Variants in CRIM1 observed in about 807,000 individuals in gnomAD.
CRIM1 encodes the protein cysteine-rich motor neuron 1 protein.
CRIM1 carries 32 observed loss-of-function variants against 116.4 expected under a neutral mutation model. The ratio of observed to expected loss-of-function variants is 0.27; its 90% CI spans 0.21 to 0.37. The LOEUF is 0.37. CRIM1 is among the 10% of genes least tolerant of loss of function. The probability of loss-of-function intolerance (pLI) is 1.00; values close to 1 mark genes in which losing one functional copy is unlikely to be tolerated. For synonymous variants in CRIM1, 590 were observed against 509.2 expected (o/e 1.16, Z -2.13); for missense variants, 1,331 against 1,354.8 (o/e 0.98, Z 0.28).
Position 36,401,301 on chromosome 2 carries a change from G to A in CRIM1, c.505+4514G>A, listed in dbSNP as rs544572233. 2.6e-5 allele frequency among the ~76,000 whole-genome samples: 4 copies of A among 152,280 alleles called. No individual in the cohort carries two copies. In the East Asian group the frequency reaches 7.7e-4, roughly 29 times the overall value. On this transcript the variant is annotated intron_variant, in intron 2 of 16. Coordinates refer to ENST00000280527, the MANE Select transcript of CRIM1 (RefSeq NM_016441.3). ...GTTTGTTAAAAATATAAAGGAAATA[G>A]GATACTGGATAACAGTCAGCCGTGG...
At position 36,356,745 on chromosome 2, in the gene CRIM1, C is replaced by T. The variant is rs1339796134; in HGVS notation, c.331+122C>T. The T allele has an allele frequency of 2.1e-5, 20 of 948,526 alleles. No individual in the cohort carries two copies. Among genetic ancestry groups the T allele is most frequent in the Non-Finnish European group, 2.8e-5 (18 of 652,202 alleles). 58.8% of individuals were successfully genotyped at this position (948,526 alleles called of 1,614,324 possible). A position where few individuals can be genotyped will look rare whatever the true frequency, so the allele number is the denominator to read the frequency against. On this transcript the variant is annotated intron_variant, in intron 1 of 16. Transcript: ENST00000280527. The surrounding 1 kb of genome is among the most constrained non-coding windows in gnomAD (Gnocchi z 4.3). Reference sequence around the variant, plus strand: ...AAAGAGGGCTCTGCGGGAAGAGGGGCGGCCGCCGCCCCCAGGAGAGTGCCC... The same window carrying T: ...AAAGAGGGCTCTGCGGGAAGAGGGGTGGCCGCCGCCCCCAGGAGAGTGCCC...
chr2:36,500,849 G>A (rs72866855), intron 8 of CRIM1, among the ~76,000 whole-genome samples: 8,342 of 152,184 alleles, frequency 0.055, 739 homozygotes, highest in African/African-American at 0.19. Flanking sequence ...CACTTCGCCC[G>A]TATCTTGTCT....
chr2:36,395,426 G>C lies in CRIM1; in HGVS notation c.332-1188G>C, dbSNP rs367853637. On this transcript the variant is annotated intron_variant, in intron 1 of 16. Coordinates refer to ENST00000280527, the MANE Select transcript of CRIM1 (RefSeq NM_016441.3). ...TGCTTATCAGAAACATGTTTACTAT[G>C]TAACAGTCAGTTCCCATTTCAGGTG... Among the ~76,000 whole-genome samples the C allele has an allele frequency of 1.8e-4, 27 of 152,278 alleles. No homozygotes were observed. The East Asian group carries it at 4.2e-3, about 24-fold the overall frequency.
chr2:36,395,010 C>CTTTT (rs772105466), intron 1 of CRIM1, among the ~76,000 whole-genome samples: 59 of 113,378 alleles, frequency 5.2e-4, no homozygotes, highest in Non-Finnish European at 7.8e-4. Context: ...TTTGTACTGT[C>CTTTT]TTTTTTTTTT....
At chr2:36,399,475 G>A (rs1672264030) in intron 2 of CRIM1, among the ~76,000 whole-genome samples, 1 of 152,196 alleles carries the variant, frequency 6.6e-6, no homozygotes, top group African/African-American at 2.4e-5. Flanking sequence ...GTATCTGCTA[G>A]CAGGAAAGGG....
intron 5 of CRIM1, among the ~76,000 whole-genome samples, chr2:36,471,717 A>AT (rs1004418639): frequency 6.5e-5 from 9 of 137,708 alleles, no homozygotes; most frequent in African/African-American, 2.5e-4. Flanking sequence ...ATGATAGCTG[A>AT]TTAGCTTAAA....
At chr2:36,500,909 C>T (rs1193103315) in intron 8 of CRIM1, among the ~76,000 whole-genome samples, 1 of 152,168 alleles carries the variant, frequency 6.6e-6, no homozygotes, top group Non-Finnish European at 1.5e-5. Flanking sequence ...TTGCTGGAAA[C>T]CCTATTTTTA....
chr2:36,482,693 G>T (rs1679512049), intron 7 of CRIM1, among the ~76,000 whole-genome samples: 1 of 152,206 alleles, frequency 6.6e-6, no homozygotes, highest in Non-Finnish European at 1.5e-5. Context: ...ATTCCTCTGT[G>T]CACAGTTGCG....
intron 2 of CRIM1, among the ~76,000 whole-genome samples, chr2:36,403,966 G>A (rs1389518861): frequency 6.6e-6 from 1 of 152,082 alleles, no homozygotes; most frequent in Non-Finnish European, 1.5e-5. Context: ...GACTTTTTGA[G>A]TACATAAATG....
chr2:36,531,029 C>T (rs1181255812), intron 13 of CRIM1, among the ~76,000 whole-genome samples: 4 of 152,290 alleles, frequency 2.6e-5, no homozygotes, highest in Non-Finnish European at 5.9e-5. Flanking sequence ...CAAATGCCCC[C>T]GTTATAGTAC....
chr2:36,411,662 T>TGTG (rs150059589), intron 2 of CRIM1, among the ~76,000 whole-genome samples: 1 of 150,094 alleles, frequency 6.7e-6, no homozygotes, highest in Non-Finnish European at 1.5e-5. Flanking sequence ...ATCTTATTCT[T>TGTG]TGTGTGTGTG....
intron 4 of CRIM1, among the ~76,000 whole-genome samples, chr2:36,446,968 T>G (rs1424141283): frequency 6.6e-6 from 1 of 152,232 alleles, no homozygotes; most frequent in African/African-American, 2.4e-5. Flanking sequence ...ACAGATACAT[T>G]AATGCAAATT....
chr2:36,390,291 T>C (rs756808659), intron 1 of CRIM1, among the ~76,000 whole-genome samples: 2 of 151,958 alleles, frequency 1.3e-5, no homozygotes, highest in African/African-American at 2.4e-5. Flanking sequence ...TGGGAAAAAA[T>C]AGGGTTGGGG....
chr2:36,524,744 A>C, intron 13 of CRIM1, among the ~76,000 whole-genome samples: 1 of 152,242 alleles, frequency 6.6e-6, no homozygotes, highest in Admixed American at 6.5e-5. Context: ...CTCTCACAAA[A>C]CCAATTTAAC....
intron 1 of CRIM1, among the ~76,000 whole-genome samples, chr2:36,387,564 A>G (rs774240224): frequency 2.0e-5 from 3 of 152,200 alleles, no homozygotes; most frequent in Non-Finnish European, 4.4e-5. Context: ...CTCAAAGCAG[A>G]GGGAATATAA....
intron 1 of CRIM1, among the ~76,000 whole-genome samples, chr2:36,395,692 C>T (rs1202071090): frequency 6.6e-6 from 1 of 152,104 alleles, no homozygotes; most frequent in Non-Finnish European, 1.5e-5. Context: ...TTGGTCTCAG[C>T]CTTTGTATTC....
intron 1 of CRIM1, among the ~76,000 whole-genome samples, chr2:36,393,892 A>C (rs1236332982): frequency 6.6e-6 from 1 of 152,252 alleles, no homozygotes. Flanking sequence ...TGCCATGAAG[A>C]AGCTGATATT....
chr2:36,544,486 C>T lies in CRIM1; in HGVS notation c.2734C>T (p.His912Tyr). The change falls in exon 15 of 17, where the codon CAT (histidine) becomes TAT (tyrosine). Residue 912 changes from histidine to tyrosine, a missense_variant. His to Tyr is a moderately conservative substitution (Grantham distance 83). This residue lies in a region of CRIM1 where 283 missense variants were observed against 242.8 expected (regional missense o/e 1.17). Transcript: ENST00000280527. ...WPTPSENDIV[H>Y]LPRDMGHLQV... The stretch of plus-strand genomic sequence containing the variant: ...CACGCCTAGTGAAAATGATATCGTC[C>T]ATCTCCCTAGAGGTAAGCATTGAAG... The T allele has an allele frequency of 7.3e-7, 1 of 1,375,342 alleles. No individual in the cohort carries two copies. The highest frequency in any genetic ancestry group is 9.5e-7 in the Non-Finnish European group (1 of 1,057,342). 85.2% of individuals were successfully genotyped at this position (1,375,342 alleles called of 1,614,324 possible). A position where few individuals can be genotyped will look rare whatever the true frequency, so the allele number is the denominator to read the frequency against.
At chr2:36,392,041 G>C (rs989356515) in intron 1 of CRIM1, among the ~76,000 whole-genome samples, 1 of 152,210 alleles carries the variant, frequency 6.6e-6, no homozygotes, top group African/African-American at 2.4e-5. Flanking sequence ...TCTGTGGGAT[G>C]AAATGGGAAA....
Sources: gnomAD v4.1 joint callset for allele counts (sites outside exome capture counted in the v4.1 genomes callset) on GRCh38, gnomAD v4.1.1 for gene constraint, gnomAD v4.1.1 regional missense constraint, Gnocchi (gnomAD v3.1) non-coding constraint, MANE v1.5 for transcripts, NCBI Gene and HGNC (gene_info 2026-07-23, HGNC 2026-07-21) for gene names.